Variants in ASIC2 observed in about 807,000 individuals in gnomAD.
ASIC2 encodes acid sensing ion channel subunit 2, also known as acid-sensing ion channel 2.
ASIC2 carries 25 observed loss-of-function variants against 57.3 expected under a neutral mutation model. The observed-to-expected ratio is 0.44, with a 90% confidence interval of 0.32 to 0.61. ASIC2 has a LOEUF of 0.61. Ranked by LOEUF, ASIC2 falls within the 20% of genes least tolerant of loss-of-function variation. The pLI is 0.06. For missense variants in ASIC2, 641 were observed against 738.1 expected (o/e 0.87, Z 1.52); for synonymous variants, 319 against 307.5 (o/e 1.04, Z -0.39).
chr17:33,196,051 T>C (rs1906613386), intron 1 of ASIC2, among the ~76,000 whole-genome samples: 1 of 152,190 alleles, frequency 6.6e-6, no homozygotes, highest in Admixed American at 6.5e-5. Context: ...TCACTTTACA[T>C]ATATCAAAGG....
intron 1 of ASIC2, among the ~76,000 whole-genome samples, chr17:34,064,503 C>A (rs909235252): frequency 3.9e-5 from 6 of 151,974 alleles, no homozygotes; most frequent in African/African-American, 1.4e-4. Flanking sequence ...AAAGCAAACA[C>A]AATAAAAAGA....
chr17:34,152,971 G>A (rs746332026), intron 1 of ASIC2, among the ~76,000 whole-genome samples: 1 of 152,142 alleles, frequency 6.6e-6, no homozygotes, highest in Non-Finnish European at 1.5e-5. Flanking sequence ...CTAGTTGAGG[G>A]CTAAGAGTGT....
At chr17:33,411,544 A>C (rs1210534133) in intron 1 of ASIC2, among the ~76,000 whole-genome samples, 1 of 152,192 alleles carries the variant, frequency 6.6e-6, no homozygotes, top group African/African-American at 2.4e-5. Flanking sequence ...AGGAAGGGAA[A>C]GGAAGGTATT....
At chr17:33,157,158 T>C (rs1163025627) in intron 1 of ASIC2, among the ~76,000 whole-genome samples, 1 of 152,120 alleles carries the variant, frequency 6.6e-6, no homozygotes, top group East Asian at 1.9e-4. Flanking sequence ...TCCCTCTCCC[T>C]GGTCAGTGAA....
intron 1 of ASIC2, among the ~76,000 whole-genome samples, chr17:33,326,522 A>G (rs977350698): frequency 1.3e-5 from 2 of 152,222 alleles, no homozygotes; most frequent in African/African-American, 4.8e-5. Flanking sequence ...ATGAGAATTC[A>G]GTGAAGAGCT....
At chr17:33,431,785 C>T (rs1911429470) in intron 1 of ASIC2, among the ~76,000 whole-genome samples, 1 of 152,020 alleles carries the variant, frequency 6.6e-6, no homozygotes, top group African/African-American at 2.4e-5. Context: ...ATATTGAGGG[C>T]AAAACCCACA....
At chr17:33,526,651 C>T (rs565694712) in intron 1 of ASIC2, among the ~76,000 whole-genome samples, 1 of 152,170 alleles carries the variant, frequency 6.6e-6, no homozygotes, top group Non-Finnish European at 1.5e-5. Context: ...CTGCCCTCAT[C>T]AGGCCCTTAT....
At chr17:34,054,190 C>T (rs1908675822) in intron 1 of ASIC2, among the ~76,000 whole-genome samples, 1 of 152,224 alleles carries the variant, frequency 6.6e-6, no homozygotes, top group South Asian at 2.1e-4. Flanking sequence ...CCAAATTATT[C>T]CCATTGCTTC....
intron 1 of ASIC2, chr17:33,828,426 T>C (rs533707811): frequency 6.6e-6 from 1 of 152,328 alleles, no homozygotes; most frequent in Non-Finnish European, 1.5e-5. Context: ...TGAGAAGGTA[T>C]CATCTTTGTG....
At chr17:33,953,712 G>T (rs771514293) in intron 1 of ASIC2, among the ~76,000 whole-genome samples, 4 of 152,200 alleles carry the variant, frequency 2.6e-5, no homozygotes, top group Non-Finnish European at 5.9e-5. Flanking sequence ...TTCAAGCAGG[G>T]TTGAACAAGG....
intron 1 of ASIC2, among the ~76,000 whole-genome samples, chr17:33,176,098 A>G (rs1418633271): frequency 6.6e-6 from 1 of 152,036 alleles, no homozygotes; most frequent in Admixed American, 6.5e-5. Flanking sequence ...CCCCTTCTCT[A>G]GTGAACATTT....
At chr17:33,565,249 T>A (rs778055830) in intron 1 of ASIC2, among the ~76,000 whole-genome samples, 1 of 152,222 alleles carries the variant, frequency 6.6e-6, no homozygotes, top group Non-Finnish European at 1.5e-5. Flanking sequence ...GCCATCCAAC[T>A]CTGTCGGCTG....
rs71379447 is a variant in ASIC2, at chr17:33,978,540, C to A, written c.555+177438G>T. Among the ~76,000 whole-genome samples, 1,025 of 152,330 alleles carry A rather than the reference C, an allele frequency of 6.7e-3. 17 individuals carry two copies. Among genetic ancestry groups the A allele is most frequent in the African/African-American group, 0.023 (969 of 41,574 alleles). The stretch of plus-strand genomic sequence containing the variant: ...TACAGAGTCTGGAACTGTGCCTGCC[C>A]GCATAGTGCACACTCACAGCCAGCT... On this transcript the variant is annotated intron_variant, in intron 1 of 9. Transcript: ENST00000359872.
chr17:33,493,362 A>G (rs1475967853), intron 1 of ASIC2, among the ~76,000 whole-genome samples: 1 of 152,158 alleles, frequency 6.6e-6, no homozygotes, highest in Non-Finnish European at 1.5e-5. Flanking sequence ...AATAATATGG[A>G]GACATCTGGG....
At chr17:34,145,102 T>C (rs566517151) in intron 1 of ASIC2, among the ~76,000 whole-genome samples, 7 of 152,320 alleles carry the variant, frequency 4.6e-5, no homozygotes, top group Non-Finnish European at 1.0e-4. Flanking sequence ...GAGCCATCCA[T>C]ACACACTTTA....
At chr17:33,501,442 G>C (rs1256054263) in intron 1 of ASIC2, among the ~76,000 whole-genome samples, 1 of 152,166 alleles carries the variant, frequency 6.6e-6, no homozygotes, top group Non-Finnish European at 1.5e-5. Context: ...GTCTTTATTT[G>C]TTTTTACTCC....
intron 1 of ASIC2, among the ~76,000 whole-genome samples, chr17:34,090,330 T>C (rs1910280867): frequency 2.0e-5 from 3 of 152,186 alleles, no homozygotes; most frequent in South Asian, 4.1e-4. Context: ...ATTGTATTTA[T>C]AAATGAAGGA....
At chr17:33,294,115 G>T (rs1007078533), upstream of ASIC2, among the ~76,000 whole-genome samples, 1 of 152,156 alleles carries the variant, frequency 6.6e-6, no homozygotes, top group Non-Finnish European at 1.5e-5. Flanking sequence ...AGGGTGGGAA[G>T]GGGGAGTAGG....
At chr17:33,815,535 T>A (rs895244346) in intron 1 of ASIC2, among the ~76,000 whole-genome samples, 1 of 152,212 alleles carries the variant, frequency 6.6e-6, no homozygotes, top group African/African-American at 2.4e-5. Flanking sequence ...AGGATCTGAA[T>A]TCCTCTTACC....
Sources: allele counts gnomAD v4.1 joint callset (sites outside exome capture counted in the v4.1 genomes callset), GRCh38; gene constraint gnomAD v4.1.1; transcripts MANE v1.5; gene names NCBI Gene and HGNC (gene_info 2026-07-23, HGNC 2026-07-21).